The following CARS2 variants were observed in gnomAD, a reference collection of about 807,000 sequenced individuals.
The protein encoded by CARS2 is probable cysteine--tRNA ligase, mitochondrial.
Under a neutral mutation model 68.8 loss-of-function variants are expected in CARS2, and 52 were observed. The observed-to-expected ratio is 0.76, with a 90% confidence interval of 0.61 to 0.95. The LOEUF (loss-of-function observed/expected upper bound fraction) is 0.95, where lower values mean the gene tolerates loss of function less well. Among genes scored for constraint, CARS2 ranks in the 40% least tolerant of loss-of-function variants. CARS2 has a pLI of 0.00. For synonymous variants in CARS2, 314 were observed against 303.6 expected, an observed-to-expected ratio of 1.03 and a Z score of -0.36; for missense variants, 780 against 754.2, an observed-to-expected ratio of 1.03 and a Z score of -0.40.
intron 10 of CARS2, among the ~76,000 whole-genome samples, chr13:110,649,935 T>G (rs1379418356): frequency 1.1e-4 from 15 of 135,858 alleles, no homozygotes; most frequent in South Asian, 4.9e-4. Flanking sequence ...TAACGACTTT[T>G]TTTTTTTTTT....
intron 1 of CARS2, chr13:110,712,475 G>A: frequency 4.8e-6 from 1 of 207,944 alleles, no homozygotes; most frequent in Non-Finnish European, 9.9e-6. Flanking sequence ...GAGCCAGGCG[G>A]GAAGTGCACA....
At chr13:110,646,804 CCT>C (rs1210941913) in intron 11 of CARS2, 2 of 339,972 alleles carry the variant, frequency 5.9e-6, no homozygotes, top group Admixed American at 9.1e-5. Flanking sequence ...CTCGGGAGCC[CCT>C]GACCCCACAC....
At chr13:110,647,320 G>T in intron 10 of CARS2, 81 bp from the exon 11 acceptor site, 1 of 1,520,168 alleles carries the variant, frequency 6.6e-7, no homozygotes. Context: ...AGTGTTTTCT[G>T]AGGGCACTGC....
chr13:110,712,762 G>A, intron 1 of CARS2: 1 of 706,346 alleles, frequency 1.4e-6, no homozygotes, highest in Non-Finnish European at 2.6e-6. Context: ...CCATGACACA[G>A]GGCGGGAAGA....
At chr13:110,695,894 A>G (rs1396688001) in intron 3 of CARS2, among the ~76,000 whole-genome samples, 1 of 152,006 alleles carries the variant, frequency 6.6e-6, no homozygotes, top group Admixed American at 6.6e-5. Context: ...CGTCATCTAC[A>G]TTAGGTATTT....
intron 3 of CARS2, among the ~76,000 whole-genome samples, chr13:110,689,944 G>A (rs1007641279): frequency 2.6e-5 from 4 of 152,242 alleles, no homozygotes; most frequent in Non-Finnish European, 5.9e-5. Context: ...AGATCAGTGG[G>A]GTGGCCGGGC....
intron 7 of CARS2, among the ~76,000 whole-genome samples, chr13:110,671,834 GAC>G (rs1314756063): frequency 6.6e-6 from 1 of 152,070 alleles, no homozygotes; most frequent in Non-Finnish European, 1.5e-5. Context: ...CACGTGCAGA[GAC>G]ACACACAGGC....
chr13:110,678,902 T>C (rs1223191902), intron 6 of CARS2, among the ~76,000 whole-genome samples: 1 of 151,948 alleles, frequency 6.6e-6, no homozygotes, highest in Non-Finnish European at 1.5e-5. Context: ...CTCCAACATA[T>C]GGACACGCGG....
At chr13:110,642,145 T>G (rs934092065) in intron 14 of CARS2, among the ~76,000 whole-genome samples, 170 bp downstream of exon 14, 3 of 151,828 alleles carry the variant, frequency 2.0e-5, no homozygotes, top group Admixed American at 6.6e-5. Flanking sequence ...AGGCAGAGGT[T>G]GTGGTGAGCC....
rs551321822 is a variant in CARS2 at position 110,653,281 on chromosome 13, T to A, written c.988-2181A>T. Among the ~76,000 whole-genome samples the A allele has an allele frequency of 6.6e-6, 1 of 152,100 alleles. No homozygotes were observed. Among genetic ancestry groups the A allele is most frequent in the Non-Finnish European group, 1.5e-5 (1 of 67,990 alleles). ...TAGTTCATCAGTAATCACACTGGAA[T>A]TCCATTTCCGTCTGTCCATCTCCCG... is the stretch of plus-strand genomic sequence containing the variant. On this transcript the variant is annotated intron_variant, in intron 9 of 14. Coordinates refer to ENST00000257347, the MANE Select transcript of CARS2 (RefSeq NM_024537.4). The surrounding 1 kb of genome is among the most constrained non-coding windows in gnomAD (Gnocchi z 5.6).
rs1280115387 is a variant in CARS2, at chr13:110,663,494, T to C, written c.944A>G (p.Glu315Gly). ...CTTTAATGATTTGGACATTTTTTCT[T>C]CTTTGCCTTTGGCGTGCAAATGCCC... Reference protein sequence around the residue: ...HSGHLHAKGKEEKMSKSLKNY... With the variant: ...HSGHLHAKGKGEKMSKSLKNY... The change falls in exon 9 of 15, where the codon GAA becomes GGA. Residue 315 changes from glutamate to glycine, a missense_variant. By Grantham distance (98) the Glu-to-Gly change is moderately conservative (BLOSUM62 -2). Transcript: ENST00000257347. 12 of 1,614,028 alleles carry C rather than the reference T, an allele frequency of 7.4e-6. No homozygotes were observed. The highest frequency in any genetic ancestry group is 1.3e-5 in the African/African-American group (1 of 74,936).
intron 9 of CARS2, among the ~76,000 whole-genome samples, chr13:110,655,022 A>G (rs2062330290): frequency 6.6e-6 from 1 of 152,200 alleles, no homozygotes; most frequent in Non-Finnish European, 1.5e-5. Context: ...CCTGGGAAAC[A>G]GACATTTTAA....
chr13:110,702,823 G>T (rs148316056), intron 2 of CARS2, among the ~76,000 whole-genome samples: 1 of 152,310 alleles, frequency 6.6e-6, no homozygotes, highest in East Asian at 1.9e-4. Flanking sequence ...GGCATCAGGA[G>T]ACCTCAGCTT....
intron 13 of CARS2, chr13:110,642,828 T>C: frequency 1.6e-6 from 1 of 635,280 alleles, no homozygotes; most frequent in Non-Finnish European, 2.9e-6. Context: ...GCTCCCTGGC[T>C]TCCAGACCTC....
chr13:110,696,007 T>C (rs747618161), intron 3 of CARS2, among the ~76,000 whole-genome samples: 1 of 152,120 alleles, frequency 6.6e-6, no homozygotes, highest in Non-Finnish European at 1.5e-5. Context: ...CAACTCCCAC[T>C]TATGAGTGAG....
At chr13:110,699,698 A>G (rs2063726632) in intron 3 of CARS2, among the ~76,000 whole-genome samples, 1 of 152,378 alleles carries the variant, frequency 6.6e-6, no homozygotes, top group South Asian at 2.1e-4. Context: ...AGCCGACACA[A>G]GACAGCATGT....
intron 9 of CARS2, among the ~76,000 whole-genome samples, chr13:110,660,105 C>G (rs888546322): frequency 6.6e-6 from 1 of 152,226 alleles, no homozygotes; most frequent in African/African-American, 2.4e-5. Flanking sequence ...GATTCCATCT[C>G]AAGAAACCAC....
chr13:110,663,317 C>T, intron 9 of CARS2, 134 bp downstream of exon 9: 1 of 829,460 alleles, frequency 1.2e-6, no homozygotes, highest in Non-Finnish European at 1.9e-6. Context: ...GGAGGTGAGG[C>T]AGGTCTCGTC....
chr13:110,646,223 AGACTT>A (rs1888100280), intron 11 of CARS2, 133 bp from the exon 12 acceptor site: 5 of 1,028,568 alleles, frequency 4.9e-6, no homozygotes, highest in Non-Finnish European at 5.5e-6. Flanking sequence ...ATATTCCCAA[AGACTT>A]GAGTTCCTGA....
Sources: gnomAD v4.1 joint callset for allele counts (sites outside exome capture counted in the v4.1 genomes callset) on GRCh38, gnomAD v4.1.1 for gene constraint, Gnocchi (gnomAD v3.1) non-coding constraint, MANE v1.5 for transcripts, NCBI Gene and HGNC (gene_info 2026-07-23, HGNC 2026-07-21) for gene names.